The following SRCIN1 variants were observed in gnomAD, a reference collection of about 807,000 sequenced individuals.
SRCIN1 encodes SRC kinase signaling inhibitor 1, also known as P130Cas-associated protein.
In SRCIN1, 50 loss-of-function variants were observed where a neutral mutation model predicts 116.2. That is an observed-to-expected ratio of 0.43 (90% confidence interval 0.34 to 0.54). The LOEUF (loss-of-function observed/expected upper bound fraction) is 0.54. Among genes scored for constraint, SRCIN1 ranks in the 20% least tolerant of loss-of-function variants. SRCIN1 has a pLI of 0.02. For missense variants in SRCIN1, 1,446 were observed against 1,672.0 expected (o/e 0.86, Z 2.36); for synonymous variants, 736 against 750.0 (o/e 0.98, Z 0.30).
chr17:38,598,938 T>C (rs1422785180), intron 1 of SRCIN1, among the ~76,000 whole-genome samples: 4 of 152,134 alleles, frequency 2.6e-5, no homozygotes. Context: ...GGAGGGCAGA[T>C]GTAGGCAAGG....
chr17:38,553,372 C>T (rs576454327), intron 11 of SRCIN1, among the ~76,000 whole-genome samples: 29 of 152,346 alleles, frequency 1.9e-4, no homozygotes, highest in South Asian at 1.0e-3. Context: ...TGCCCTGCAC[C>T]ATCTGCCCCC....
intron 10 of SRCIN1, 21 bp downstream of exon 10, chr17:38,559,564 G>C (rs1421777257): frequency 6.3e-7 from 1 of 1,591,992 alleles, no homozygotes; most frequent in Non-Finnish European, 8.5e-7. Flanking sequence ...TGGTGGGGCG[G>C]GGCCCAGGAC....
intron 1 of SRCIN1, among the ~76,000 whole-genome samples, chr17:38,581,466 CTT>C (rs55779119): frequency 1.1e-4 from 15 of 134,642 alleles, no homozygotes; most frequent in African/African-American, 2.2e-4. Flanking sequence ...ACACCCAGGT[CTT>C]TTTTTTTTTT....
chr17:38,584,228 G>A (rs1434414322), intron 1 of SRCIN1, among the ~76,000 whole-genome samples: 4 of 152,224 alleles, frequency 2.6e-5, no homozygotes, highest in African/African-American at 7.2e-5. Flanking sequence ...GTGGAGGGGC[G>A]TTGGGCCTGA....
intron 11 of SRCIN1, among the ~76,000 whole-genome samples, chr17:38,555,701 C>T (rs1258607464): frequency 1.3e-5 from 2 of 152,332 alleles, no homozygotes; most frequent in African/African-American, 2.4e-5. Context: ...ATTGGTTCTG[C>T]TGCATCTCAT....
chr17:38,533,405 G>C lies in SRCIN1; in HGVS notation c.3444C>G (p.Ser1148Arg). ...CTGGGCTCGAGGTCTCATTCGACCC[G>C]CTCATCTCTTTAGATGGTTTAGTGG... Reference protein sequence around the residue: ...QQATKPSKEMSGSNETSSPVS... With the variant: ...QQATKPSKEMRGSNETSSPVS... The change falls in exon 19 of 19, where the codon AGC becomes AGG. Residue 1148 changes from serine to arginine, a missense_variant. Physicochemically the swap from Ser to Arg is moderately radical, Grantham distance 110. Transcript: ENST00000617146. 6.2e-7 allele frequency: 1 copy of C among 1,612,896 alleles called. No individual in the cohort carries two copies.
In SRCIN1 at chr17:38,533,107, A is replaced by AAC. The variant is rs1487004244; in HGVS notation, c.*189_*190insGT. ...AAAAGTTAATTGTTAAAAAAAAAAA[A>AAC]AAAAACAAAACCAAAAACACCAACA... On this transcript the variant is annotated 3_prime_UTR_variant, in exon 19 of 19. Coordinates refer to ENST00000617146, the MANE Select transcript of SRCIN1 (RefSeq NM_025248.3). 73 of 453,182 alleles carry AAC rather than the reference A, an allele frequency of 1.6e-4. No homozygotes were observed. The highest frequency in any genetic ancestry group is 1.4e-3 in the African/African-American group (64 of 47,400). The allele number at this position is 453,182 out of a possible 1,614,324, so 28.1% of individuals were successfully genotyped here.
chr17:38,587,589 G>A (rs1908181884), intron 1 of SRCIN1, among the ~76,000 whole-genome samples: 1 of 152,018 alleles, frequency 6.6e-6, no homozygotes. Context: ...TGGCCCTCAG[G>A]GACAAGGATT....
At chr17:38,560,574 A>G (rs1333921339) in intron 7 of SRCIN1, 149 bp from the exon 8 acceptor site, 1 of 661,794 alleles carries the variant, frequency 1.5e-6, no homozygotes, top group East Asian at 2.7e-5. Flanking sequence ...CCAATGCCTA[A>G]GGATCAAGCC....
At chr17:38,566,465 CAGA>C (rs764290498) in intron 3 of SRCIN1, among the ~76,000 whole-genome samples, 39 of 152,188 alleles carry the variant, frequency 2.6e-4, no homozygotes, top group Admixed American at 2.1e-3. Flanking sequence ...AGGGAGATGG[CAGA>C]AGAACAAAAC....
Position 38,564,364 on chromosome 17 carries a change from C to CA in SRCIN1, c.346-52_346-51insT, listed in dbSNP as rs1491167356. 5 of 1,471,100 alleles carry CA rather than the reference C, an allele frequency of 3.4e-6. No individual in the cohort carries two copies. The African/African-American group carries it at 7.0e-5, about 21-fold the overall frequency. 91.1% of individuals were successfully genotyped at this position (1,471,100 alleles called of 1,614,324 possible). On this transcript the variant is annotated intron_variant, in intron 3 of 18. Coordinates refer to ENST00000617146, the MANE Select transcript of SRCIN1 (RefSeq NM_025248.3). ...GAACCAAGGATGAGCACCCCCCCTC[C>CA]CCTTTGCTTGTCACTGCCCATATCC...
Position 38,551,173 on chromosome 17 carries a change from T to G in SRCIN1, c.2944A>C (p.Ser982Arg), listed in dbSNP as rs772212425. 1.3e-6 allele frequency: 2 copies of G among 1,559,504 alleles called. No homozygotes were observed. The highest frequency in any genetic ancestry group is 2.3e-5 in the South Asian group (2 of 87,804). ...CCCATACCTGAGCCCCTCCTCCCAC[T>G]GGGCTCCGTTCGGGGGGCTGCCTTC... is the stretch of plus-strand genomic sequence containing the variant. ...GQKAAPRTEPSGRRGSDELTV... is the reference protein window; with the variant it reads ...GQKAAPRTEPRGRRGSDELTV... The change falls in exon 15 of 19, where the codon AGT becomes CGT. Residue 982 changes from serine (S) to arginine (R), a missense_variant. By Grantham distance (110) the Ser-to-Arg change is moderately radical (BLOSUM62 -1). Transcript: ENST00000617146.
chr17:38,581,448 G>T (rs1597923442), intron 1 of SRCIN1, among the ~76,000 whole-genome samples: 3 of 144,768 alleles, frequency 2.1e-5, no homozygotes, highest in Admixed American at 6.8e-5. Context: ...AAAAAAGTGT[G>T]AGCCACCACA....
In SRCIN1 at chr17:38,562,138, C is replaced by T; in HGVS notation, c.1025G>A (p.Gly342Asp). 7.3e-7 allele frequency: 1 copy of T among 1,371,528 alleles called. No individual in the cohort carries two copies. Among genetic ancestry groups the T allele is most frequent in the Non-Finnish European group, 9.3e-7 (1 of 1,070,694 alleles). 85.0% of individuals were successfully genotyped at this position (1,371,528 alleles called of 1,614,324 possible). ...YAGGRPPSYAGSPVHHAAERL... is the reference protein window; with the variant it reads ...YAGGRPPSYADSPVHHAAERL... ...CTCGGCCGCGTGGTGCACCGGGCTG[C>T]CGGCGTACGAAGGCGGGCGCCCCCC... The change falls in exon 7 of 19, where the codon GGC (glycine) becomes GAC (aspartate). Residue 342 changes from glycine to aspartate, a missense_variant. Physicochemically the swap from Gly to Asp is moderately conservative, Grantham distance 94. Transcript: ENST00000617146. The surrounding 1 kb of genome is among the most constrained non-coding windows in gnomAD (Gnocchi z 4.2).
chr17:38,537,790 CA>C (rs563375987), intron 18 of SRCIN1, among the ~76,000 whole-genome samples: 125 of 110,952 alleles, frequency 1.1e-3, no homozygotes, highest in Admixed American at 1.8e-3. Context: ...GACTCCGTGT[CA>C]AAAAAAAAAA....
Position 38,563,902 on chromosome 17 carries a change from G to A in SRCIN1, c.541+216C>T. 1 of 616,938 alleles carries A rather than the reference G, an allele frequency of 1.6e-6. No homozygotes were observed. Among genetic ancestry groups the A allele is most frequent in the Non-Finnish European group, 2.9e-6 (1 of 350,672 alleles). 38.2% of individuals were successfully genotyped at this position (616,938 alleles called of 1,614,324 possible). ...AAAGGGACAGAAAAGGAAGCAAGAG[G>A]GAGAGAGGAGGCTTGGAGGGAAAGG... On this transcript the variant is annotated intron_variant, in intron 4 of 18. Transcript: ENST00000617146. This position sits in a 1 kb window ranked among gnomAD's most constrained non-coding sequence, Gnocchi z 5.8.
intron 18 of SRCIN1, among the ~76,000 whole-genome samples, chr17:38,541,057 G>A (rs1479565373): frequency 6.6e-6 from 1 of 151,834 alleles, no homozygotes; most frequent in African/African-American, 2.4e-5. Context: ...GGCCAATATG[G>A]TGAAACCCCA....
At chr17:38,547,571 G>C (rs936306662) in intron 17 of SRCIN1, among the ~76,000 whole-genome samples, 2 of 152,148 alleles carry the variant, frequency 1.3e-5, no homozygotes, top group African/African-American at 4.8e-5. Flanking sequence ...GGGGAGGAAG[G>C]GTTATGCGCC....
At position 38,533,341 on chromosome 17, in the gene SRCIN1, C is replaced by T; in HGVS notation, c.3508G>A (p.Val1170Ile). 26 of 1,600,420 alleles carry T rather than the reference C, an allele frequency of 1.6e-5. No homozygotes were observed. Among genetic ancestry groups the T allele is most frequent in the Non-Finnish European group, 2.1e-5 (25 of 1,173,572 alleles). Reference protein sequence around the residue: ...KPSASRTSIPVLTSFGARNSS... With the variant: ...KPSASRTSIPILTSFGARNSS... ...TTCCTTGCCCCAAAGGAAGTCAATA[C>T]AGGGATAGAGGTTCTGGAAGCCGAG... Residue 1170 changes from valine to isoleucine, a missense_variant, in exon 19 of 19, where the codon GTA becomes ATA. Val to Ile is a conservative substitution (Grantham distance 29). Coordinates refer to ENST00000617146, the MANE Select transcript of SRCIN1 (RefSeq NM_025248.3).
Sources: gnomAD v4.1 joint callset for allele counts (sites outside exome capture counted in the v4.1 genomes callset) on GRCh38, gnomAD v4.1.1 for gene constraint, Gnocchi (gnomAD v3.1) non-coding constraint, MANE v1.5 for transcripts, NCBI Gene and HGNC (gene_info 2026-07-23, HGNC 2026-07-21) for gene names.